TMEM88: variants seen among roughly 807,000 people sequenced by gnomAD.
The protein encoded by TMEM88 is transmembrane protein 88.
A neutral mutation model predicts 10.0 loss-of-function variants in TMEM88; 8 were observed. The ratio of observed to expected loss-of-function variants is 0.80; its 90% CI spans 0.47 to 1.44. The LOEUF (loss-of-function observed/expected upper bound fraction) is 1.44. TMEM88 is among the 40% of genes most tolerant of loss of function. The pLI is 0.00. For synonymous variants in TMEM88, 139 were observed against 104.9 expected, an observed-to-expected ratio of 1.33 and a Z score of -1.99; for missense variants, 255 against 217.8, an observed-to-expected ratio of 1.17 and a Z score of -1.07.
chr17:7,855,674 G>T lies in TMEM88; in HGVS notation c.440G>T (p.Gly147Val). 2 of 1,600,460 alleles carry T rather than the reference G, an allele frequency of 1.2e-6. No individual in the cohort carries two copies. Among genetic ancestry groups the T allele is most frequent in the Non-Finnish European group, 1.7e-6 (2 of 1,174,054 alleles). The change falls in exon 2 of 2, where the codon GGG (glycine) becomes GTG (valine). Residue 147 changes from glycine to valine, a missense_variant. Physicochemically the swap from Gly to Val is moderately radical, Grantham distance 109. Transcript: ENST00000301599. Reference sequence around the variant, plus strand: ...CCGCGGCAAATCCGGGCCTCACCAGGGTCCCAGGCCGTTCCCACATCAGGA... The same window carrying T: ...CCGCGGCAAATCCGGGCCTCACCAGTGTCCCAGGCCGTTCCCACATCAGGA... ...PQPRQIRASP[G>V]SQAVPTSGKV... is the part of the protein sequence containing the mutation.
chr17:7,855,365 A>C lies in TMEM88; in HGVS notation c.211-80A>C, dbSNP rs188022759. On this transcript the variant is annotated intron_variant, in intron 1 of 1. Coordinates refer to ENST00000301599, the MANE Select transcript of TMEM88 (RefSeq NM_203411.2). ...CTGGCGGTGGGGTCTATGGGCCACA[A>C]CTTCAACCCGCCTGGGCTGTTTCCA... 2.6e-4 allele frequency: 406 copies of C among 1,590,486 alleles called. 1 individual carries two copies. The African/African-American group carries it at 4.8e-3, about 19-fold the overall frequency.
rs940026725 is a variant in TMEM88 at position 7,856,040 on chromosome 17, G to A, written c.*326G>A. On this transcript the variant is annotated 3_prime_UTR_variant, in exon 2 of 2. Coordinates refer to ENST00000301599, the MANE Select transcript of TMEM88 (RefSeq NM_203411.2). ...CAGCTTCTCTAGTATTTCTGGGGCT[G>A]GGGGGCGGGGCTGGAGGGGAAGGAG... 8.5e-7 allele frequency: 1 copy of A among 1,179,860 alleles called. No individual in the cohort carries two copies. The highest frequency in any genetic ancestry group is 1.1e-6 in the Non-Finnish European group (1 of 926,918). The allele number at this position is 1,179,860 out of a possible 1,614,324, so 73.1% of individuals were successfully genotyped here. A position where few individuals can be genotyped will look rare whatever the true frequency, so the allele number is the denominator to read the frequency against.
chr17:7,855,331 G>A (rs1439695413), intron 1 of TMEM88, 47 bp downstream of exon 1: 4 of 1,589,974 alleles, frequency 2.5e-6, no homozygotes, highest in South Asian at 1.1e-5. Flanking sequence ...GTGTTGGTGT[G>A]TGGTGATGCT....
Position 7,855,745 on chromosome 17 carries a change from C to T in TMEM88, c.*31C>T, listed in dbSNP as rs1444011666. 6.7e-7 allele frequency: 1 copy of T among 1,487,434 alleles called. No homozygotes were observed. The allele number at this position is 1,487,434 out of a possible 1,614,324, so 92.1% of individuals were successfully genotyped here. A position where few individuals can be genotyped will look rare whatever the true frequency, so the allele number is the denominator to read the frequency against. ...CTCGAGTCAAGAACAACCCTGACGGCTGCCCTCCCTCTTATTCGGCCCAAG... is the reference window on the plus strand; with the variant it reads ...CTCGAGTCAAGAACAACCCTGACGGTTGCCCTCCCTCTTATTCGGCCCAAG... On this transcript the variant is annotated 3_prime_UTR_variant, in exon 2 of 2. Coordinates refer to ENST00000301599, the MANE Select transcript of TMEM88 (RefSeq NM_203411.2).
chr17:7,855,422 G>A (rs2078794326), intron 1 of TMEM88, 23 bp from the exon 2 acceptor site: 2 of 1,599,584 alleles, frequency 1.3e-6, no homozygotes, highest in African/African-American at 1.3e-5. Flanking sequence ...GTCGGCTTGG[G>A]CCTGACGCCT....
chr17:7,855,467 C>T lies in TMEM88; in HGVS notation c.233C>T (p.Pro78Leu), dbSNP rs1473972260. 6.2e-7 allele frequency: 1 copy of T among 1,606,102 alleles called. No homozygotes were observed. The highest frequency in any genetic ancestry group is 8.5e-7 in the Non-Finnish European group (1 of 1,179,856). ...CAGTTCCTGCGCTCCCAGGCACCCC[C>T]TTGCACCGCGCACCTGCGGGACCCC... ...HSQFLRSQAPPCTAHLRDPGF... is the reference protein window; with the variant it reads ...HSQFLRSQAPLCTAHLRDPGF... The change falls in exon 2 of 2, where the codon CCT becomes CTT. Residue 78 changes from proline to leucine, a missense_variant. By Grantham distance (98) the Pro-to-Leu change is moderately conservative. Coordinates refer to ENST00000301599, the MANE Select transcript of TMEM88 (RefSeq NM_203411.2).
At position 7,855,884 on chromosome 17, in the gene TMEM88, C is replaced by G. The variant is rs2078802838; in HGVS notation, c.*170C>G. On this transcript the variant is annotated 3_prime_UTR_variant, in exon 2 of 2. Transcript: ENST00000301599. ...TGGACCCAGTGCTGAGAAAAGCCCC[C>G]ACATCCCGGAAAACCCACTTTCCTT... 1.4e-6 allele frequency: 2 copies of G among 1,394,388 alleles called. No individual in the cohort carries two copies. The highest frequency in any genetic ancestry group is 1.5e-5 in the African/African-American group (1 of 68,480). 86.4% of individuals were successfully genotyped at this position (1,394,388 alleles called of 1,614,324 possible).
At chr17:7,855,369 C>A in intron 1 of TMEM88, 76 bp from the exon 2 acceptor site, 1 of 1,590,226 alleles carries the variant, frequency 6.3e-7, no homozygotes, top group Non-Finnish European at 8.5e-7. Context: ...GCCACAACTT[C>A]AACCCGCCTG....
chr17:7,855,943 C>T lies in TMEM88; in HGVS notation c.*229C>T, dbSNP rs2078803661. 1.5e-6 allele frequency: 2 copies of T among 1,343,222 alleles called. No individual in the cohort carries two copies. The highest frequency in any genetic ancestry group is 3.0e-5 in the African/African-American group (2 of 66,868). The allele number at this position is 1,343,222 out of a possible 1,614,324, so 83.2% of individuals were successfully genotyped here. A position where few individuals can be genotyped will look rare whatever the true frequency, so the allele number is the denominator to read the frequency against. On this transcript the variant is annotated 3_prime_UTR_variant, in exon 2 of 2. Transcript: ENST00000301599. ...CACATCTCAATCCTGAACATCTAGG[C>T]TGGAACCTGCACACCTCCCCCTCAG...
Position 7,855,299 on chromosome 17 carries a change from CG to C in TMEM88, c.210+19del, listed in dbSNP as rs746791446. 2.0e-5 allele frequency: 32 copies of C among 1,589,094 alleles called. No homozygotes were observed. Among genetic ancestry groups the C allele is most frequent in the Admixed American group, 7.1e-5 (4 of 55,950 alleles). On this transcript the variant is annotated intron_variant, in intron 1 of 1. Transcript: ENST00000301599. ...GCCACTCTCAGGTGAGCGTGCGCCC[CG>C]GGGTGTGCGTGTGAGTGTGAGTGTT...
chr17:7,855,094 C>T lies in TMEM88; in HGVS notation c.20C>T (p.Ala7Val). 6.2e-7 allele frequency: 1 copy of T among 1,603,910 alleles called. No individual in the cohort carries two copies. The highest frequency in any genetic ancestry group is 8.5e-7 in the Non-Finnish European group (1 of 1,179,540). Reference sequence around the variant, plus strand: ...CGGGCCATGGCGGATGTCCCCGGGGCACAGCGAGCGGTTCCTGGTGACGGC... The same window carrying T: ...CGGGCCATGGCGGATGTCCCCGGGGTACAGCGAGCGGTTCCTGGTGACGGC... MADVPGAQRAVPGDGPE... is the reference protein window; with the variant it reads MADVPGVQRAVPGDGPE... Residue 7 changes from alanine to valine, a missense_variant, in exon 1 of 2, where the codon GCA (alanine) becomes GTA (valine). Ala to Val is a moderately conservative substitution (Grantham distance 64). Transcript: ENST00000301599.
Position 7,855,767 on chromosome 17 carries a change from C to G in TMEM88, c.*53C>G, listed in dbSNP as rs543821943. 2.0e-5 allele frequency: 29 copies of G among 1,457,086 alleles called. No homozygotes were observed. The East Asian group carries it at 6.7e-4, about 34-fold the overall frequency. 90.3% of individuals were successfully genotyped at this position (1,457,086 alleles called of 1,614,324 possible). A position where few individuals can be genotyped will look rare whatever the true frequency, so the allele number is the denominator to read the frequency against. On this transcript the variant is annotated 3_prime_UTR_variant, in exon 2 of 2. Coordinates refer to ENST00000301599, the MANE Select transcript of TMEM88 (RefSeq NM_203411.2). Reference sequence around the variant, plus strand: ...CGGCTGCCCTCCCTCTTATTCGGCCCAAGGACTTGAAGCCCGGCATCTTCC... The same window carrying G: ...CGGCTGCCCTCCCTCTTATTCGGCCGAAGGACTTGAAGCCCGGCATCTTCC...
chr17:7,855,620 C>G lies in TMEM88; in HGVS notation c.386C>G (p.Ala129Gly). The G allele has an allele frequency of 1.2e-6, 2 of 1,609,276 alleles. No homozygotes were observed. Among genetic ancestry groups the G allele is most frequent in the Non-Finnish European group, 1.7e-6 (2 of 1,179,784 alleles). ...GATTGCCTCGTGCCCTACAGCCGAG[C>G]CCTTTATCGGCGTCGGCGCGCCCCG... ...LADCLVPYSR[A>G]LYRRRRAPQP... Residue 129 changes from alanine to glycine, a missense_variant, in exon 2 of 2, where the codon GCC becomes GGC. By Grantham distance (60) the Ala-to-Gly change is moderately conservative. Transcript: ENST00000301599.
In TMEM88 at chr17:7,855,770, G is replaced by A; in HGVS notation, c.*56G>A. The A allele has an allele frequency of 6.9e-7, 1 of 1,453,464 alleles. No individual in the cohort carries two copies. Among genetic ancestry groups the A allele is most frequent in the Non-Finnish European group, 9.1e-7 (1 of 1,103,124 alleles). The allele number at this position is 1,453,464 out of a possible 1,614,324, so 90.0% of individuals were successfully genotyped here. On this transcript the variant is annotated 3_prime_UTR_variant, in exon 2 of 2. Transcript: ENST00000301599. Reference sequence around the variant, plus strand: ...CTGCCCTCCCTCTTATTCGGCCCAAGGACTTGAAGCCCGGCATCTTCCGAC... The same window carrying A: ...CTGCCCTCCCTCTTATTCGGCCCAAAGACTTGAAGCCCGGCATCTTCCGAC...
Position 7,855,588 on chromosome 17 carries a change from C to T in TMEM88, c.354C>T (p.Arg118=), listed in dbSNP as rs778565920. The T allele has an allele frequency of 1.9e-6, 3 of 1,608,374 alleles. No homozygotes were observed. Among genetic ancestry groups the T allele is most frequent in the Non-Finnish European group, 1.7e-6 (2 of 1,179,862 alleles). The change falls in exon 2 of 2, where the codon CGC becomes CGT. Residue 118 remains arginine, a synonymous_variant. Transcript: ENST00000301599. ...ACCGCCGCCTCTGCCTGCGCCTCCG[C>T]CTAGCCGATTGCCTCGTGCCCTACA... The part of the protein sequence containing the change: ...ASYRRLCLRL[R]LADCLVPYSR...
At position 7,855,703 on chromosome 17, in the gene TMEM88, G is replaced by T. The variant is rs943856347; in HGVS notation, c.469G>T (p.Val157Phe). The change falls in exon 2 of 2, where the codon GTC (valine) becomes TTC (phenylalanine). Residue 157 changes from valine to phenylalanine, a missense_variant. Coordinates refer to ENST00000301599, the MANE Select transcript of TMEM88 (RefSeq NM_203411.2). ...CCAGGCCGTTCCCACATCAGGAAAG[G>T]TCTGGGTCTAATGACCCTCGAGTCA... Reference protein sequence around the residue: ...GSQAVPTSGKVWV With the variant: ...GSQAVPTSGKFWV 22 of 1,572,390 alleles carry T rather than the reference G, an allele frequency of 1.4e-5. No homozygotes were observed. The highest frequency in any genetic ancestry group is 4.1e-5 in the African/African-American group (3 of 73,894).
rs2078791542 is a variant in TMEM88, at chr17:7,855,307, G to A, written c.210+23G>A. On this transcript the variant is annotated intron_variant, in intron 1 of 1. Transcript: ENST00000301599. ...CAGGTGAGCGTGCGCCCCGGGGTGT[G>A]CGTGTGAGTGTGAGTGTTGGTGTGT... 5 of 1,583,686 alleles carry A rather than the reference G, an allele frequency of 3.2e-6. No individual in the cohort carries two copies. In the East Asian group the frequency reaches 1.1e-4, roughly 36 times the overall value.
rs2078795697 is a variant in TMEM88 at position 7,855,481 on chromosome 17, C to A, written c.247C>A (p.Leu83Met). The change falls in exon 2 of 2, where the codon CTG becomes ATG. Residue 83 changes from leucine (L) to methionine (M), a missense_variant. Transcript: ENST00000301599. ...CCAGGCACCCCCTTGCACCGCGCAC[C>A]TGCGGGACCCCGGTTTCACGGCCCT... is the stretch of plus-strand genomic sequence containing the variant. Reference protein sequence around the residue: ...RSQAPPCTAHLRDPGFTALLV... With the variant: ...RSQAPPCTAHMRDPGFTALLV... 1.2e-6 allele frequency: 2 copies of A among 1,607,518 alleles called. No homozygotes were observed. Among genetic ancestry groups the A allele is most frequent in the Non-Finnish European group, 1.7e-6 (2 of 1,179,924 alleles).
rs1399187675 is a variant in TMEM88 at position 7,855,592 on chromosome 17, G to T, written c.358G>T (p.Ala120Ser). The change falls in exon 2 of 2, where the codon GCC (alanine) becomes TCC (serine). Residue 120 changes from alanine to serine, a missense_variant. Physicochemically the swap from Ala to Ser is moderately conservative, Grantham distance 99 (BLOSUM62 1). Transcript: ENST00000301599. ...YRRLCLRLRLADCLVPYSRAL... is the reference protein window; with the variant it reads ...YRRLCLRLRLSDCLVPYSRAL... Reference sequence around the variant, plus strand: ...CCGCCTCTGCCTGCGCCTCCGCCTAGCCGATTGCCTCGTGCCCTACAGCCG... The same window carrying T: ...CCGCCTCTGCCTGCGCCTCCGCCTATCCGATTGCCTCGTGCCCTACAGCCG... The T allele has an allele frequency of 3.1e-6, 5 of 1,608,300 alleles. No individual in the cohort carries two copies. The highest frequency in any genetic ancestry group is 2.7e-5 in the African/African-American group (2 of 74,932).
Sources: gnomAD v4.1 joint callset for allele counts on GRCh38, gnomAD v4.1.1 for gene constraint, MANE v1.5 for transcripts, NCBI Gene and HGNC (gene_info 2026-07-23, HGNC 2026-07-21) for gene names.